FGL1: variants seen among roughly 807,000 people sequenced by gnomAD.
FGL1 encodes the protein fibrinogen like 1, also known as fibrinogen-like protein 1.
A neutral mutation model predicts 43.7 loss-of-function variants in FGL1; 59 were observed. The observed-to-expected ratio is 1.35, with a 90% confidence interval of 1.10 to 1.68. The LOEUF (loss-of-function observed/expected upper bound fraction) is 1.68. FGL1 is among the 40% of genes most tolerant of loss of function. The pLI is 0.00. For missense variants in FGL1, 596 were observed against 373.0 expected, an observed-to-expected ratio of 1.60 and a Z score of -4.92; for synonymous variants, 192 against 126.5, an observed-to-expected ratio of 1.52 and a Z score of -3.48.
intron 1 of FGL1, among the ~76,000 whole-genome samples, chr8:17,890,550 A>G (rs1328435527): frequency 6.6e-6 from 1 of 152,142 alleles, no homozygotes; most frequent in Non-Finnish European, 1.5e-5. Context: ...TTGCTCAGGT[A>G]TTCCCTTCCC....
At chr8:17,866,868 C>T (rs899947433) in intron 7 of FGL1, among the ~76,000 whole-genome samples, 1 of 152,116 alleles carries the variant, frequency 6.6e-6, no homozygotes, top group Non-Finnish European at 1.5e-5. Flanking sequence ...TTATGTCATG[C>T]TGACTTAGAA....
At chr8:17,886,895 G>C (rs1234334096) in intron 1 of FGL1, among the ~76,000 whole-genome samples, 2 of 152,174 alleles carry the variant, frequency 1.3e-5, no homozygotes, top group Admixed American at 1.3e-4. Flanking sequence ...CACCCTAGGG[G>C]ATTCTGGATT....
intron 1 of FGL1, among the ~76,000 whole-genome samples, chr8:17,888,846 A>G (rs1375684705): frequency 1.3e-5 from 2 of 152,348 alleles, no homozygotes; most frequent in Non-Finnish European, 2.9e-5. Context: ...TATTTCAAGC[A>G]TATATTTTCT....
chr8:17,867,078 T>C (rs1368425416), intron 7 of FGL1, among the ~76,000 whole-genome samples: 2 of 152,140 alleles, frequency 1.3e-5, no homozygotes, highest in South Asian at 4.1e-4. Context: ...AATGTTTTTT[T>C]AAAAAAGCAA....
chr8:17,883,587 GT>G (rs2053582955), intron 2 of FGL1, among the ~76,000 whole-genome samples: 1 of 114,960 alleles, frequency 8.7e-6, no homozygotes, highest in African/African-American at 4.4e-5. Flanking sequence ...CATAATATAC[GT>G]ATATATAAAA....
At chr8:17,884,653 C>T (rs76440028) in intron 2 of FGL1, among the ~76,000 whole-genome samples, 2,366 of 152,252 alleles carry the variant, frequency 0.016, 59 homozygotes, top group African/African-American at 0.054. Context: ...TGTTTTACAA[C>T]AGTGGGGGAT....
At chr8:17,878,191 T>C (rs927851753) in intron 3 of FGL1, among the ~76,000 whole-genome samples, 5 of 152,118 alleles carry the variant, frequency 3.3e-5, no homozygotes, top group African/African-American at 1.2e-4. Flanking sequence ...GCCTCAAGTG[T>C]TCCTCCCACC....
chr8:17,879,020 A>C (rs1475840852), intron 3 of FGL1, among the ~76,000 whole-genome samples: 1 of 121,178 alleles, frequency 8.3e-6, no homozygotes, highest in Non-Finnish European at 1.8e-5. Flanking sequence ...TATAAAGAAC[A>C]ATTGAACTGT....
At chr8:17,871,977 A>G (rs1188388159) in intron 5 of FGL1, among the ~76,000 whole-genome samples, 1 of 152,198 alleles carries the variant, frequency 6.6e-6, no homozygotes, top group Non-Finnish European at 1.5e-5. Context: ...TCATAGTTTC[A>G]ATAAGAAACC....
At chr8:17,893,200 C>CA (rs2053729897) in intron 1 of FGL1, among the ~76,000 whole-genome samples, 1 of 151,814 alleles carries the variant, frequency 6.6e-6, no homozygotes, top group African/African-American at 2.4e-5. Context: ...GACTCCATCT[C>CA]AAAAAACAAA....
intron 1 of FGL1, among the ~76,000 whole-genome samples, chr8:17,893,827 A>T (rs1049059221): frequency 2.0e-5 from 3 of 147,240 alleles, no homozygotes; most frequent in African/African-American, 8.0e-5. Flanking sequence ...ATAGTAAACC[A>T]TTATTTCTTC....
At chr8:17,877,092 C>G (rs563625257) in intron 3 of FGL1, among the ~76,000 whole-genome samples, 63 of 152,034 alleles carry the variant, frequency 4.1e-4, no homozygotes, top group Admixed American at 5.9e-4. Context: ...ATCGTAACAG[C>G]AGAAAGTATG....
chr8:17,874,291 G>A (rs1168645081), intron 4 of FGL1, 71 bp downstream of exon 4: 18 of 1,517,530 alleles, frequency 1.2e-5, no homozygotes, highest in Non-Finnish European at 1.6e-5. Flanking sequence ...TTCAGGATAT[G>A]ATCAAAATAT....
chr8:17,883,514 A>G (rs1318684820), intron 2 of FGL1, among the ~76,000 whole-genome samples: 1 of 129,810 alleles, frequency 7.7e-6, no homozygotes, highest in African/African-American at 3.1e-5. Flanking sequence ...TATATATAAT[A>G]TAATGTAATA....
chr8:17,869,255 C>G (rs1184748059), intron 5 of FGL1, among the ~76,000 whole-genome samples: 3 of 151,716 alleles, frequency 2.0e-5, no homozygotes, highest in Non-Finnish European at 4.4e-5. Flanking sequence ...AGAGGTAAAA[C>G]CTAGTGCAAT....
At chr8:17,867,867 C>T (rs769334342) in intron 7 of FGL1, among the ~76,000 whole-genome samples, 21 of 152,150 alleles carry the variant, frequency 1.4e-4, no homozygotes, top group Admixed American at 6.5e-5. Flanking sequence ...GCCAGGAGTT[C>T]GAGACCTGCC....
chr8:17,868,704 G>C lies in FGL1; in HGVS notation c.623C>G (p.Ser208Cys). 1 of 1,613,244 alleles carries C rather than the reference G, an allele frequency of 6.2e-7. No homozygotes were observed. Among genetic ancestry groups the C allele is most frequent in the Non-Finnish European group, 8.5e-7 (1 of 1,179,762 alleles). The change falls in exon 7 of 8, where the codon TCT (serine) becomes TGT (cysteine). Residue 208 changes from serine (S) to cysteine (C), a missense_variant. Coordinates refer to ENST00000427924, the MANE Select transcript of FGL1 (RefSeq NM_004467.4). ...CGCAAGGGAATCTCCAGCTGTTCCA[G>C]AATATTCCCCAATATTCAACTCGTA... Reference protein sequence around the residue: ...NFYELNIGEYSGTAGDSLAGN... With the variant: ...NFYELNIGEYCGTAGDSLAGN...
chr8:17,893,347 T>A (rs981144017), intron 1 of FGL1, among the ~76,000 whole-genome samples: 13 of 151,802 alleles, frequency 8.6e-5, no homozygotes, highest in Admixed American at 5.9e-4. Flanking sequence ...TATCATATAA[T>A]TTTACCTACG....
chr8:17,874,541 A>C lies in FGL1; in HGVS notation c.245-20T>G. On this transcript the variant is annotated intron_variant, in intron 3 of 7. Coordinates refer to ENST00000427924, the MANE Select transcript of FGL1 (RefSeq NM_004467.4). ...AACAATCTGTTTTTAAAACAAGGTA[A>C]TGTAACATTCATTATGTGTCTTTTT... The C allele has an allele frequency of 6.3e-7, 1 of 1,595,604 alleles. No individual in the cohort carries two copies. Among genetic ancestry groups the C allele is most frequent in the Non-Finnish European group, 8.6e-7 (1 of 1,168,392 alleles).
Sources: allele counts gnomAD v4.1 joint callset (sites outside exome capture counted in the v4.1 genomes callset), GRCh38; gene constraint gnomAD v4.1.1; transcripts MANE v1.5; gene names NCBI Gene and HGNC (gene_info 2026-07-23, HGNC 2026-07-21).